Variants in CDH9 observed in about 807,000 individuals in gnomAD.
CDH9 encodes the protein cadherin 9.
Under a neutral mutation model 70.9 loss-of-function variants are expected in CDH9, and 28 were observed. That is an observed-to-expected ratio of 0.40 (90% CI 0.29 to 0.54). The LOEUF (loss-of-function observed/expected upper bound fraction) is 0.54, where lower values mean the gene tolerates loss of function less well. Among genes scored for constraint, CDH9 ranks in the 20% least tolerant of loss-of-function variants. CDH9 has a pLI of 0.59. For synonymous variants in CDH9, 409 were observed against 343.1 expected (o/e 1.19, Z -2.12); for missense variants, 874 against 984.4 (o/e 0.89, Z 1.50).
At chr5:26,943,188 A>G (rs1198395170) in intron 2 of CDH9, among the ~76,000 whole-genome samples, 3 of 152,256 alleles carry the variant, frequency 2.0e-5, no homozygotes. Flanking sequence ...TAGACACCTC[A>G]TACTCCAACC....
chr5:26,973,396 T>G (rs1455580481), intron 2 of CDH9, among the ~76,000 whole-genome samples: 1 of 152,184 alleles, frequency 6.6e-6, no homozygotes, highest in Non-Finnish European at 1.5e-5. Context: ...TCATTTTCTT[T>G]TGTACATTAG....
intron 11 of CDH9, among the ~76,000 whole-genome samples, chr5:26,883,177 A>G (rs1350759066): frequency 6.7e-6 from 1 of 148,350 alleles, no homozygotes; most frequent in East Asian, 2.0e-4. Context: ...TAGATCTGAC[A>G]TCTATCAAAT....
At chr5:26,884,232 A>T (rs990770643) in intron 11 of CDH9, among the ~76,000 whole-genome samples, 2 of 152,138 alleles carry the variant, frequency 1.3e-5, no homozygotes, top group African/African-American at 4.8e-5. Context: ...TATCAAATTA[A>T]TTTGACAATG....
intron 3 of CDH9, among the ~76,000 whole-genome samples, chr5:26,912,308 A>G (rs1451515387): frequency 1.3e-5 from 2 of 151,944 alleles, no homozygotes; most frequent in Admixed American, 6.6e-5. Flanking sequence ...TTTCCTATGT[A>G]AATTGGTTTA....
rs191407908 is a variant in CDH9, at chr5:27,026,647, A to T, written c.-50+11816T>A. On this transcript the variant is annotated intron_variant, in intron 1 of 11. Coordinates refer to ENST00000231021, the MANE Select transcript of CDH9 (RefSeq NM_016279.4). Reference sequence around the variant, plus strand: ...ATATTAGCACCCAGAAAAATGTATGATGCATAGTAAAGTTTGAACAAACAT... The same window carrying T: ...ATATTAGCACCCAGAAAAATGTATGTTGCATAGTAAAGTTTGAACAAACAT... Among the ~76,000 whole-genome samples the T allele has an allele frequency of 2.7e-3, 415 of 152,166 alleles. 2 individuals carry two copies. The highest frequency in any genetic ancestry group is 0.02 in the Middle Eastern group (6 of 294).
chr5:26,938,663 A>T (rs1458859571), intron 2 of CDH9, among the ~76,000 whole-genome samples: 2 of 152,154 alleles, frequency 1.3e-5, no homozygotes, highest in East Asian at 3.8e-4. Flanking sequence ...CTTCAAATAC[A>T]TGTATAAAAT....
intron 1 of CDH9, among the ~76,000 whole-genome samples, chr5:27,019,332 G>A (rs546150342): frequency 6.6e-6 from 1 of 152,038 alleles, no homozygotes; most frequent in African/African-American, 2.4e-5. Flanking sequence ...GACATTTTTG[G>A]ATGTTTTTTA....
intron 2 of CDH9, among the ~76,000 whole-genome samples, chr5:26,916,446 A>G (rs1026679902): frequency 3.3e-5 from 5 of 151,946 alleles, no homozygotes; most frequent in African/African-American, 9.7e-5. Flanking sequence ...TGGATCCCTG[A>G]AACTGTGGAG....
At chr5:26,883,215 T>G (rs1000090460) in intron 11 of CDH9, among the ~76,000 whole-genome samples, 13 of 150,512 alleles carry the variant, frequency 8.6e-5, no homozygotes, top group Non-Finnish European at 1.3e-4. Flanking sequence ...AAAAGAGATT[T>G]CTTTCTAAAT....
chr5:27,034,951 A>G (rs370035032), intron 1 of CDH9, among the ~76,000 whole-genome samples: 1 of 151,592 alleles, frequency 6.6e-6, no homozygotes, highest in Non-Finnish European at 1.5e-5. Flanking sequence ...GAAATGACTC[A>G]TAAGAGAAAA....
At chr5:26,956,556 C>T (rs1295541966) in intron 2 of CDH9, among the ~76,000 whole-genome samples, 2 of 152,264 alleles carry the variant, frequency 1.3e-5, no homozygotes, top group Middle Eastern at 3.4e-3. Flanking sequence ...TCATCTTCAA[C>T]ATATAGGCTA....
chr5:26,909,704 AAT>A (rs1741015587), intron 3 of CDH9, among the ~76,000 whole-genome samples: 2 of 151,838 alleles, frequency 1.3e-5, no homozygotes, highest in Non-Finnish European at 2.9e-5. Flanking sequence ...TTTTGCATAT[AAT>A]ATCTTACTTT....
In CDH9 at chr5:26,902,694, T is replaced by A. The variant is rs1740877577; in HGVS notation, c.1035A>T (p.Leu345Phe). 6.4e-7 allele frequency: 1 copy of A among 1,568,644 alleles called. No individual in the cohort carries two copies. The highest frequency in any genetic ancestry group is 1.4e-5 in the African/African-American group (1 of 73,910). ...GGTGAGTGTTACTTGCATCCACTCT[T>A]AAAGTATAGAGCATTTGATTTTCAA... ...LDFENQMLYT[L>F]RVDASNTHPD... is the part of the protein sequence containing the mutation. The change falls in exon 7 of 12, where the codon TTA (leucine) becomes TTT (phenylalanine). Residue 345 changes from leucine (L) to phenylalanine (F), a missense_variant. Physicochemically the swap from Leu to Phe is conservative, Grantham distance 22. Transcript: ENST00000231021.
At chr5:26,956,414 T>C (rs1236479164) in intron 2 of CDH9, among the ~76,000 whole-genome samples, 2 of 152,196 alleles carry the variant, frequency 1.3e-5, no homozygotes, top group Non-Finnish European at 2.9e-5. Flanking sequence ...ACTAACATAG[T>C]ACTGTTATAA....
chr5:26,904,076 A>C (rs955978900), intron 5 of CDH9, among the ~76,000 whole-genome samples: 3 of 152,012 alleles, frequency 2.0e-5, no homozygotes, highest in Admixed American at 6.6e-5. Context: ...TATTTAGACT[A>C]TAGATGGTAG....
chr5:27,012,487 AGCTC>A (rs2112116537), intron 1 of CDH9, among the ~76,000 whole-genome samples: 1 of 152,112 alleles, frequency 6.6e-6, no homozygotes, highest in East Asian at 1.9e-4. Flanking sequence ...AAATGTTATC[AGCTC>A]AATAATAAAA....
chr5:26,990,774 G>T (rs1417896950), intron 1 of CDH9, among the ~76,000 whole-genome samples: 1 of 152,182 alleles, frequency 6.6e-6, no homozygotes, highest in South Asian at 2.1e-4. Context: ...TGACCACACT[G>T]GTTACCCTGG....
intron 2 of CDH9, among the ~76,000 whole-genome samples, chr5:26,974,355 T>TC (rs1742269690): frequency 6.6e-6 from 1 of 152,050 alleles, no homozygotes; most frequent in Non-Finnish European, 1.5e-5. Context: ...GCTTTTTTTT[T>TC]ATCTTTGTAG....
intron 2 of CDH9, among the ~76,000 whole-genome samples, chr5:26,983,494 A>T (rs777026717): frequency 6.6e-6 from 1 of 152,230 alleles, no homozygotes; most frequent in Non-Finnish European, 1.5e-5. Flanking sequence ...GCAGTGAAAA[A>T]TAAAACATGG....
Sources: gnomAD v4.1 joint callset for allele counts (sites outside exome capture counted in the v4.1 genomes callset) on GRCh38, gnomAD v4.1.1 for gene constraint, MANE v1.5 for transcripts, NCBI Gene and HGNC (gene_info 2026-07-23, HGNC 2026-07-21) for gene names.